DBX2: variants seen among roughly 807,000 people sequenced by gnomAD.
The protein encoded by DBX2 is homeobox protein DBX2.
DBX2 carries 16 observed loss-of-function variants against 17.7 expected under a neutral mutation model. That is an observed-to-expected ratio of 0.90 (90% CI 0.61 to 1.37). The LOEUF (loss-of-function observed/expected upper bound fraction) is 1.37, where lower values mean the gene tolerates loss of function less well. Among genes scored for constraint, DBX2 ranks in the 40% most tolerant of loss-of-function variants. DBX2 has a pLI of 0.00. For synonymous variants in DBX2, 255 were observed against 183.8 expected, an observed-to-expected ratio of 1.39 and a Z score of -3.13; for missense variants, 538 against 433.8, an observed-to-expected ratio of 1.24 and a Z score of -2.13.
intron 2 of DBX2, among the ~76,000 whole-genome samples, chr12:45,024,777 A>C (rs1946372749): frequency 6.6e-6 from 1 of 152,220 alleles, no homozygotes; most frequent in Non-Finnish European, 1.5e-5. Flanking sequence ...ATTTGGGAAC[A>C]CAAAACAAGG....
chr12:45,048,615 T>C (rs1946512635), intron 1 of DBX2, among the ~76,000 whole-genome samples: 1 of 152,190 alleles, frequency 6.6e-6, no homozygotes, highest in South Asian at 2.1e-4. Context: ...ACATTCTTTA[T>C]CCAATTATAA....
chr12:45,039,965 C>T (rs965290234), intron 1 of DBX2, among the ~76,000 whole-genome samples: 2 of 152,118 alleles, frequency 1.3e-5, no homozygotes, highest in Admixed American at 1.3e-4. Context: ...AACACAACAT[C>T]TCGAGACACT....
intron 3 of DBX2, among the ~76,000 whole-genome samples, chr12:45,023,472 A>G (rs1946364029): frequency 6.6e-6 from 1 of 152,266 alleles, no homozygotes; most frequent in African/African-American, 2.4e-5. Context: ...CCTATTTCCA[A>G]TAGGAAATGG....
In DBX2 at chr12:45,036,058, C is replaced by T. The variant is rs746599102; in HGVS notation, c.460G>A (p.Gly154Arg). Reference sequence around the variant, plus strand: ...GAGGATGCAGGGCGCCGACAGGACCCACCGCAGCACGCCGAGTAGAATGGC... The same window carrying T: ...GAGGATGCAGGGCGCCGACAGGACCTACCGCAGCACGCCGAGTAGAATGGC... ...TPPFYSACCG[G>R]SCRRPASSTA... is the part of the protein sequence containing the mutation. The change falls in exon 2 of 4, where the codon GGG becomes AGG. Residue 154 changes from glycine to arginine, a missense_variant. Physicochemically the swap from Gly to Arg is moderately radical, Grantham distance 125. Transcript: ENST00000332700. 1 of 1,613,774 alleles carries T rather than the reference C, an allele frequency of 6.2e-7. No homozygotes were observed. Among genetic ancestry groups the T allele is most frequent in the South Asian group, 1.1e-5 (1 of 90,944 alleles).
intron 3 of DBX2, among the ~76,000 whole-genome samples, chr12:45,017,342 G>A (rs1179241037): frequency 1.3e-5 from 2 of 152,148 alleles, no homozygotes. Context: ...CACAATGGCT[G>A]TAAGAAGTCC....
At chr12:45,036,212 G>T in intron 1 of DBX2, 98 bp from the exon 2 acceptor site, 1 of 1,072,460 alleles carries the variant, frequency 9.3e-7, no homozygotes, top group East Asian at 2.9e-5. Flanking sequence ...ACTTTGCTTA[G>T]TTTTTTAATT....
intron 2 of DBX2, among the ~76,000 whole-genome samples, chr12:45,030,184 A>C (rs1946402052): frequency 6.6e-6 from 1 of 152,140 alleles, no homozygotes; most frequent in South Asian, 2.1e-4. Context: ...AACTTCTGGA[A>C]ATCATGACTT....
At chr12:45,026,502 G>T (rs1050806741) in intron 2 of DBX2, among the ~76,000 whole-genome samples, 1 of 152,064 alleles carries the variant, frequency 6.6e-6, no homozygotes, top group African/African-American at 2.4e-5. Flanking sequence ...TTTGTTCAAG[G>T]TCACAAAGCT....
Position 45,050,749 on chromosome 12 carries a change from T to G in DBX2, c.179A>C (p.His60Pro). Reference sequence around the variant, plus strand: ...GGTGGCCAGGGCGGTCGCCGGGTCGTGGGGCGCGGGCGGCTGCAGCCTGGG... The same window carrying G: ...GGTGGCCAGGGCGGTCGCCGGGTCGGGGGGCGCGGGCGGCTGCAGCCTGGG... ...PTPRLQPPAP[H>P]DPATALATAG... The change falls in exon 1 of 4, where the codon CAC (histidine) becomes CCC (proline). Residue 60 changes from histidine to proline, a missense_variant. Coordinates refer to ENST00000332700, the MANE Select transcript of DBX2 (RefSeq NM_001004329.3). 1 of 1,492,582 alleles carries G rather than the reference T, an allele frequency of 6.7e-7. No individual in the cohort carries two copies. The highest frequency in any genetic ancestry group is 2.4e-5 in the Admixed American group (1 of 42,136). The allele number at this position is 1,492,582 out of a possible 1,614,324, so 92.5% of individuals were successfully genotyped here.
intron 2 of DBX2, among the ~76,000 whole-genome samples, chr12:45,030,762 A>G (rs927955709): frequency 4.6e-5 from 7 of 151,916 alleles, no homozygotes; most frequent in Non-Finnish European, 5.9e-5. Context: ...ATGATAGCGT[A>G]AGTCTATGAA....
chr12:45,018,592 C>G (rs1046879180), intron 3 of DBX2, among the ~76,000 whole-genome samples: 2 of 151,924 alleles, frequency 1.3e-5, no homozygotes, highest in African/African-American at 2.4e-5. Context: ...TAAAAAGGAG[C>G]TGAATACATA....
intron 1 of DBX2, among the ~76,000 whole-genome samples, chr12:45,041,009 A>C (rs1478777282): frequency 6.6e-6 from 1 of 150,884 alleles, no homozygotes; most frequent in Non-Finnish European, 1.5e-5. Context: ...AAATGATAGA[A>C]GGTTCCAAAG....
chr12:45,050,885 C>A lies in DBX2; in HGVS notation c.43G>T (p.Asp15Tyr). Residue 15 changes from aspartate to tyrosine, a missense_variant, in exon 1 of 4, where the codon GAC (aspartate) becomes TAC (tyrosine). By Grantham distance (160) the Asp-to-Tyr change is radical (BLOSUM62 -3). Coordinates refer to ENST00000332700, the MANE Select transcript of DBX2 (RefSeq NM_001004329.3). ...AGGAGCGCGGAGGAAGCCACAACGT[C>A]CCAGTACGCACCGGCGTGGGCTGCG... Reference protein sequence around the residue: ...AVAAHAGAYWDVVASSALLNL... With the variant: ...AVAAHAGAYWYVVASSALLNL... 1 of 1,525,404 alleles carries A rather than the reference C, an allele frequency of 6.6e-7. No homozygotes were observed. The highest frequency in any genetic ancestry group is 2.2e-5 in the Admixed American group (1 of 45,760). 94.5% of individuals were successfully genotyped at this position (1,525,404 alleles called of 1,614,324 possible).
intron 3 of DBX2, among the ~76,000 whole-genome samples, chr12:45,020,622 C>T (rs542523973): frequency 1.3e-5 from 2 of 150,500 alleles, no homozygotes; most frequent in African/African-American, 4.9e-5. Context: ...TAGAAAATGT[C>T]AAAGTACATG....
In DBX2 at chr12:45,022,357, G is replaced by A. The variant is rs140875461; in HGVS notation, c.687+1350C>T. On this transcript the variant is annotated intron_variant, in intron 3 of 3. Transcript: ENST00000332700. ...CTTGCACTGTCGCCCAGGCTGGAGC[G>A]CAATGGCATGAACTTGGCTCACTGC... Among the ~76,000 whole-genome samples the A allele has an allele frequency of 5.3e-3, 760 of 142,538 alleles. 7 individuals are homozygous for A. Among genetic ancestry groups the A allele is most frequent in the African/African-American group, 0.019 (714 of 37,506 alleles). 93.5% of individuals were successfully genotyped at this position (142,538 alleles called of 152,430 possible).
chr12:45,035,933 C>T, intron 2 of DBX2, 86 bp downstream of exon 2: 1 of 1,267,752 alleles, frequency 7.9e-7, no homozygotes, highest in Non-Finnish European at 1.1e-6. Flanking sequence ...CATTGCATTA[C>T]CAATTAGTTT....
intron 1 of DBX2, among the ~76,000 whole-genome samples, chr12:45,037,930 C>T (rs987067648): frequency 1.3e-5 from 2 of 151,404 alleles, no homozygotes; most frequent in Non-Finnish European, 2.9e-5. Context: ...AAAATATGGC[C>T]GCTAAGCAAA....
intron 1 of DBX2, among the ~76,000 whole-genome samples, chr12:45,043,067 C>T (rs186339162): frequency 5.9e-5 from 9 of 152,272 alleles, no homozygotes; most frequent in African/African-American, 4.8e-5. Context: ...CCTGAGCTCC[C>T]GGCTATACCA....
Position 45,050,766 on chromosome 12 carries a change from C to T in DBX2, c.162G>A (p.Leu54=). The change falls in exon 1 of 4, where the codon CTG becomes CTA. Residue 54 remains leucine, a synonymous_variant. Coordinates refer to ENST00000332700, the MANE Select transcript of DBX2 (RefSeq NM_001004329.3). ...LRVGGAPTPR[L]QPPAPHDPAT... is the part of the protein sequence containing the mutation. Reference sequence around the variant, plus strand: ...CCGGGTCGTGGGGCGCGGGCGGCTGCAGCCTGGGCGTTGGGGCGCCCCCGA... The same window carrying T: ...CCGGGTCGTGGGGCGCGGGCGGCTGTAGCCTGGGCGTTGGGGCGCCCCCGA... 6.6e-7 allele frequency: 1 copy of T among 1,508,230 alleles called. No individual in the cohort carries two copies. 93.4% of individuals were successfully genotyped at this position (1,508,230 alleles called of 1,614,324 possible).
Sources: gnomAD v4.1 joint callset for allele counts (sites outside exome capture counted in the v4.1 genomes callset) on GRCh38, gnomAD v4.1.1 for gene constraint, MANE v1.5 for transcripts, NCBI Gene and HGNC (gene_info 2026-07-23, HGNC 2026-07-21) for gene names.